The following FRMD5 variants were observed in gnomAD, a reference collection of about 807,000 sequenced individuals.
FRMD5 encodes the protein FERM domain-containing protein 5.
FRMD5 carries 20 observed loss-of-function variants against 69.0 expected under a neutral mutation model. The observed-to-expected ratio is 0.29, with a 90% CI of 0.20 to 0.42. FRMD5 has a LOEUF of 0.42. FRMD5 is among the 10% of genes least tolerant of loss of function. The probability of loss-of-function intolerance (pLI) is 1.00; values close to 1 mark genes in which losing one functional copy is unlikely to be tolerated. For synonymous variants in FRMD5, 271 were observed against 260.1 expected (o/e 1.04, Z -0.40); for missense variants, 595 against 708.6 (o/e 0.84, Z 1.82).
At chr15:44,143,012 C>A (rs993049849) in intron 1 of FRMD5, among the ~76,000 whole-genome samples, 2 of 152,022 alleles carry the variant, frequency 1.3e-5, no homozygotes, top group African/African-American at 2.4e-5. Flanking sequence ...ATCGCTGGAA[C>A]CTGTGAGGCA....
chr15:44,043,643 T>C (rs1595663815), intron 1 of FRMD5, among the ~76,000 whole-genome samples: 1 of 152,114 alleles, frequency 6.6e-6, no homozygotes, highest in Non-Finnish European at 1.5e-5. Context: ...CATGTGATCA[T>C]TGACAAACCT....
chr15:44,193,088 C>A (rs1180888118), intron 1 of FRMD5, among the ~76,000 whole-genome samples: 1 of 152,074 alleles, frequency 6.6e-6, no homozygotes, highest in Non-Finnish European at 1.5e-5. Context: ...ATCAAGCAAC[C>A]TCAAAGGTTC....
chr15:43,876,776 C>T (rs2088371683), intron 13 of FRMD5, among the ~76,000 whole-genome samples: 1 of 152,216 alleles, frequency 6.6e-6, no homozygotes, highest in African/African-American at 2.4e-5. Flanking sequence ...CCAGCTCCCT[C>T]TCTTTTCCTC....
intron 1 of FRMD5, among the ~76,000 whole-genome samples, chr15:44,087,213 T>C (rs1241567366): frequency 6.6e-6 from 1 of 151,934 alleles, no homozygotes; most frequent in Non-Finnish European, 1.5e-5. Flanking sequence ...AAAGATGGGG[T>C]TTCAGCATGT....
chr15:43,885,781 A>G (rs777773046), intron 10 of FRMD5, 26 bp from the exon 11 acceptor site: 39 of 1,596,924 alleles, frequency 2.4e-5, no homozygotes, highest in Non-Finnish European at 3.2e-5. Flanking sequence ...GTCCAGTGTG[A>G]TAGACAGCCT....
chr15:43,977,309 G>A (rs771870079), intron 1 of FRMD5, among the ~76,000 whole-genome samples: 1 of 152,136 alleles, frequency 6.6e-6, no homozygotes, highest in Non-Finnish European at 1.5e-5. Context: ...TGTCACTAAG[G>A]TAGGAAACAC....
intron 1 of FRMD5, among the ~76,000 whole-genome samples, chr15:43,987,018 C>T (rs922784324): frequency 3.9e-5 from 6 of 152,148 alleles, no homozygotes; most frequent in Admixed American, 2.0e-4. Flanking sequence ...ATGAACCACA[C>T]ACATAGAAGA....
At chr15:43,994,089 T>C (rs1264467090) in intron 1 of FRMD5, among the ~76,000 whole-genome samples, 1 of 152,236 alleles carries the variant, frequency 6.6e-6, no homozygotes, top group African/African-American at 2.4e-5. Flanking sequence ...AAGTAATTAT[T>C]GATAGGTAGG....
At chr15:44,037,803 TC>T (rs1891988898) in intron 1 of FRMD5, among the ~76,000 whole-genome samples, 1 of 152,078 alleles carries the variant, frequency 6.6e-6, no homozygotes, top group Non-Finnish European at 1.5e-5. Context: ...TGATTTATAA[TC>T]CTTTGGTTAT....
intron 1 of FRMD5, among the ~76,000 whole-genome samples, chr15:43,965,685 G>A (rs940984241): frequency 8.1e-5 from 12 of 148,528 alleles, no homozygotes; most frequent in Non-Finnish European, 1.6e-4. Context: ...AGGTTCAAGC[G>A]ATTCTCCTGC....
chr15:43,899,297 C>A (rs2088988697), intron 7 of FRMD5, among the ~76,000 whole-genome samples: 1 of 152,116 alleles, frequency 6.6e-6, no homozygotes, highest in South Asian at 2.1e-4. Context: ...ATGAGAGGAG[C>A]TGAGGGGCTA....
intron 1 of FRMD5, among the ~76,000 whole-genome samples, chr15:43,952,156 T>C (rs1821464892): frequency 6.6e-6 from 1 of 152,028 alleles, no homozygotes; most frequent in South Asian, 2.1e-4. Context: ...GCGAGCAACT[T>C]CCTCACCAGG....
At chr15:44,091,786 G>C (rs2076477278) in intron 1 of FRMD5, among the ~76,000 whole-genome samples, 1 of 151,834 alleles carries the variant, frequency 6.6e-6, no homozygotes, top group Non-Finnish European at 1.5e-5. Flanking sequence ...TCCATCCATG[G>C]GAATTTTTTT....
intron 1 of FRMD5, among the ~76,000 whole-genome samples, chr15:44,122,690 G>A (rs2076970328): frequency 6.6e-6 from 1 of 152,198 alleles, no homozygotes; most frequent in Admixed American, 6.5e-5. Flanking sequence ...CACGAGGTCA[G>A]GAGATGGAGA....
At chr15:43,989,876 T>C in intron 1 of FRMD5, 2 of 1,045,048 alleles carry the variant, frequency 1.9e-6, no homozygotes, top group Non-Finnish European at 3.0e-6. Flanking sequence ...GTCAGCAGCA[T>C]GGGGTGCTCC....
At chr15:44,067,362 T>C (rs760891469) in intron 1 of FRMD5, among the ~76,000 whole-genome samples, 1 of 152,156 alleles carries the variant, frequency 6.6e-6, no homozygotes, top group Non-Finnish European at 1.5e-5. Flanking sequence ...AAATAAAAAA[T>C]AGTTAAAATG....
chr15:43,923,391 A>T (rs911077506), intron 2 of FRMD5, among the ~76,000 whole-genome samples: 1 of 152,112 alleles, frequency 6.6e-6, no homozygotes, highest in Non-Finnish European at 1.5e-5. Context: ...CCTAATACAG[A>T]GTGGGGTTAG....
At chr15:44,137,909 G>C (rs943431691) in intron 1 of FRMD5, among the ~76,000 whole-genome samples, 14 of 152,098 alleles carry the variant, frequency 9.2e-5, no homozygotes, top group Admixed American at 6.5e-5. Context: ...AATGACACTG[G>C]AAAAAGCAGT....
chr15:44,016,948 T>A (rs1213110028), intron 1 of FRMD5, among the ~76,000 whole-genome samples: 1 of 152,024 alleles, frequency 6.6e-6, no homozygotes, highest in Non-Finnish European at 1.5e-5. Context: ...CTGGGCTAAT[T>A]TTTTGTAGAA....
Sources: allele counts gnomAD v4.1 joint callset (sites outside exome capture counted in the v4.1 genomes callset), GRCh38; gene constraint gnomAD v4.1.1; transcripts MANE v1.5; gene names NCBI Gene and HGNC (gene_info 2026-07-23, HGNC 2026-07-21).